DAB1: variants seen among roughly 807,000 people sequenced by gnomAD.
DAB1 encodes disabled homolog 1.
In DAB1, 15 loss-of-function variants were observed where a neutral mutation model predicts 64.6. The ratio of observed to expected loss-of-function variants is 0.23; its 90% CI spans 0.16 to 0.36. The LOEUF (loss-of-function observed/expected upper bound fraction) is 0.36. Among genes scored for constraint, DAB1 ranks in the 10% least tolerant of loss-of-function variants. The probability of loss-of-function intolerance (pLI) is 1.00; values close to 1 mark genes in which losing one functional copy is unlikely to be tolerated. For missense variants in DAB1, 596 were observed against 706.7 expected (o/e 0.84, Z 1.78); for synonymous variants, 235 against 251.9 (o/e 0.93, Z 0.64).
At chr1:58,128,116 GTA>G (rs1257551963) in intron 5 of DAB1, among the ~76,000 whole-genome samples, 4 of 151,994 alleles carry the variant, frequency 2.6e-5, no homozygotes, top group Non-Finnish European at 5.9e-5. Flanking sequence ...CCATTTGTTT[GTA>G]TCCTCTTTTA....
intron 11 of DAB1, among the ~76,000 whole-genome samples, chr1:57,015,705 C>T (rs1415273258): frequency 6.6e-6 from 1 of 152,230 alleles, no homozygotes; most frequent in Admixed American, 6.5e-5. Flanking sequence ...CTAAAAGTTT[C>T]TAAAGTCTCA....
At chr1:57,031,467 ACATTAT>A (rs1646964631) in intron 9 of DAB1, among the ~76,000 whole-genome samples, 1 of 152,236 alleles carries the variant, frequency 6.6e-6, no homozygotes, top group Admixed American at 6.5e-5. Flanking sequence ...AGTTTCAAAT[ACATTAT>A]CATCGTGTTT....
chr1:58,376,214 C>A (rs1465392254), intron 3 of DAB1, among the ~76,000 whole-genome samples: 1 of 147,864 alleles, frequency 6.8e-6, no homozygotes, highest in Non-Finnish European at 1.5e-5. Flanking sequence ...TTCTTGCCTT[C>A]TGCTAGCTTT....
At chr1:58,254,975 C>A (rs1453047382) in intron 4 of DAB1, among the ~76,000 whole-genome samples, 1 of 70,092 alleles carries the variant, frequency 1.4e-5, no homozygotes, top group Admixed American at 2.0e-4. Flanking sequence ...GGAATCGCCA[C>A]ACTGACTTCC....
chr1:57,546,695 C>T (rs1351652685), intron 7 of DAB1, among the ~76,000 whole-genome samples: 1 of 152,152 alleles, frequency 6.6e-6, no homozygotes, highest in Admixed American at 6.6e-5. Context: ...ACAGACTGCA[C>T]ATAAAACGGT....
chr1:57,110,034 A>G (rs188916697), intron 4 of DAB1, among the ~76,000 whole-genome samples: 153 of 152,304 alleles, frequency 1.0e-3, no homozygotes, highest in Non-Finnish European at 1.8e-3. Flanking sequence ...CACAGGAGAC[A>G]TAACGAGATC....
intron 1 of DAB1, among the ~76,000 whole-genome samples, chr1:57,378,292 C>T (rs746896656): frequency 1.3e-4 from 20 of 152,318 alleles, no homozygotes; most frequent in Non-Finnish European, 2.4e-4. Flanking sequence ...CACCCACATT[C>T]CCAAGGCTAG....
intron 6 of DAB1, among the ~76,000 whole-genome samples, chr1:57,702,532 T>C (rs1304865306): frequency 6.6e-6 from 1 of 152,162 alleles, no homozygotes; most frequent in East Asian, 1.9e-4. Context: ...TCTACCTCTA[T>C]GTTGGCATAA....
At position 57,940,052 on chromosome 1, in the gene DAB1, A is replaced by T. The variant is rs112715136; in HGVS notation, n.388-55890T>A. Among the ~76,000 whole-genome samples, 531 of 152,368 alleles carry T rather than the reference A, an allele frequency of 3.5e-3. 3 individuals are homozygous for T. The highest frequency in any genetic ancestry group is 0.012 in the African/African-American group (495 of 41,588). The stretch of plus-strand genomic sequence containing the variant: ...AGGCCAAACCTACAGCAGTAATGAT[A>T]AGCACAAATACTGAAATGAACAGAA... On this transcript the variant is annotated intron_variant and non_coding_transcript_variant, in intron 5 of 20. Transcript: ENST00000485760.
chr1:58,102,906 G>C (rs550010427), intron 5 of DAB1, among the ~76,000 whole-genome samples: 28 of 152,282 alleles, frequency 1.8e-4, no homozygotes, highest in Non-Finnish European at 3.8e-4. Context: ...AAAGGCAAGG[G>C]ACAGGGCTTA....
intron 3 of DAB1, chr1:58,468,903 T>C (rs1424973244): frequency 2.5e-5 from 6 of 237,858 alleles, no homozygotes; most frequent in Admixed American, 6.5e-5. Context: ...ACTTGAAGAG[T>C]GATCTGAGTG....
Position 57,877,367 on chromosome 1 carries a change from C to T in DAB1, n.87+6632G>A, listed in dbSNP as rs115099554. On this transcript the variant is annotated intron_variant and non_coding_transcript_variant, in intron 1 of 1. Transcript: ENST00000477280. The stretch of plus-strand genomic sequence containing the variant: ...CGTAAGTCTTGACCATTATGATACA[C>T]TCTGTTCCCCACCCTGCAGCTCCCT... 2.8e-3 allele frequency among the ~76,000 whole-genome samples: 419 copies of T among 152,204 alleles called. 3 individuals are homozygous for T. The highest frequency in any genetic ancestry group is 9.6e-3 in the African/African-American group (400 of 41,524).
At chr1:57,401,397 T>C (rs1485881891) in intron 1 of DAB1, among the ~76,000 whole-genome samples, 2 of 152,128 alleles carry the variant, frequency 1.3e-5, no homozygotes, top group Non-Finnish European at 2.9e-5. Context: ...TGAAAAAACA[T>C]ATATGAAAAG....
At chr1:57,057,840 C>A (rs1363191920) in intron 9 of DAB1, among the ~76,000 whole-genome samples, 2 of 152,026 alleles carry the variant, frequency 1.3e-5, no homozygotes, top group Non-Finnish European at 2.9e-5. Flanking sequence ...GATCTCCTGA[C>A]CTCCTGATCC....
chr1:58,035,712 C>A (rs1016550865), intron 5 of DAB1, among the ~76,000 whole-genome samples: 8 of 152,330 alleles, frequency 5.3e-5, no homozygotes, highest in Non-Finnish European at 8.8e-5. Context: ...ATGGCTCCCC[C>A]TGGAGTTGTG....
At chr1:58,470,523 A>G (rs1486399441) in intron 3 of DAB1, among the ~76,000 whole-genome samples, 1 of 152,066 alleles carries the variant, frequency 6.6e-6, no homozygotes, top group Non-Finnish European at 1.5e-5. Flanking sequence ...ATCCTTCACC[A>G]TGCCATCACC....
intron 6 of DAB1, among the ~76,000 whole-genome samples, chr1:57,807,016 G>T (rs945931827): frequency 6.6e-6 from 1 of 152,150 alleles, no homozygotes; most frequent in Non-Finnish European, 1.5e-5. Context: ...GTAAATGAAT[G>T]AATGAACCTA....
chr1:58,515,334 A>G (rs187073060), intron 2 of DAB1, among the ~76,000 whole-genome samples: 163 of 152,328 alleles, frequency 1.1e-3, no homozygotes, highest in African/African-American at 3.8e-3. Flanking sequence ...AATGAAAGAC[A>G]TATGTTGGTC....
intron 7 of DAB1, among the ~76,000 whole-genome samples, chr1:57,526,405 T>C (rs766290584): frequency 1.3e-4 from 20 of 152,222 alleles, no homozygotes; most frequent in Non-Finnish European, 2.8e-4. Context: ...GAGGGCTGTA[T>C]GGAAGCATGC....
Sources: allele counts gnomAD v4.1 joint callset (sites outside exome capture counted in the v4.1 genomes callset), GRCh38; gene constraint gnomAD v4.1.1; transcripts MANE v1.5; gene names NCBI Gene and HGNC (gene_info 2026-07-23, HGNC 2026-07-21).